The following RIMS2 variants were observed in gnomAD, a reference collection of about 807,000 sequenced individuals.
RIMS2 encodes the protein regulating synaptic membrane exocytosis protein 2.
A neutral mutation model predicts 174.4 loss-of-function variants in RIMS2; 59 were observed. That is an observed-to-expected ratio of 0.34 (90% CI 0.27 to 0.42). The LOEUF is 0.42. RIMS2 is among the 10% of genes least tolerant of loss of function. The pLI is 1.00. For missense variants in RIMS2, 1,620 were observed against 1,666.3 expected, an observed-to-expected ratio of 0.97 and a Z score of 0.48; for synonymous variants, 606 against 572.5, an observed-to-expected ratio of 1.06 and a Z score of -0.84.
intron 10 of RIMS2, 190 bp downstream of exon 13, chr8:103,921,974 A>G: frequency 6.0e-6 from 2 of 331,786 alleles, no homozygotes; most frequent in Admixed American, 4.5e-5. Flanking sequence ...ATTAAGAGTT[A>G]GATTTACTGA....
chr8:104,204,214 A>G lies in RIMS2; in HGVS notation c.3335-40702A>G, dbSNP rs375633000. On this transcript the variant is annotated intron_variant, in intron 19 of 23. Coordinates refer to ENST00000504942, the Ensembl canonical transcript of RIMS2. The stretch of plus-strand genomic sequence containing the variant: ...ATATATATGGTGTACAGTATTCTAC[A>G]TTGTGAACCTATCTATATATGCAAT... Among the ~76,000 whole-genome samples, 11 of 152,222 alleles carry G rather than the reference A, an allele frequency of 7.2e-5. 1 individual carries two copies. The highest frequency in any genetic ancestry group is 5.8e-4 in the East Asian group (3 of 5,204).
intron 19 of RIMS2, among the ~76,000 whole-genome samples, chr8:104,068,115 C>T (rs372148719): frequency 1.5e-4 from 23 of 152,058 alleles, no homozygotes; most frequent in African/African-American, 5.1e-4. Context: ...TATTTGAAAG[C>T]AACTTATAAC....
intron 17 of RIMS2, among the ~76,000 whole-genome samples, chr8:104,010,573 C>G (rs1029412003): frequency 6.6e-6 from 1 of 151,918 alleles, no homozygotes; most frequent in Non-Finnish European, 1.5e-5. Flanking sequence ...CCTTTGTGAA[C>G]GCATGCAGTT....
chr8:104,186,963 A>T (rs777886518), intron 19 of RIMS2, among the ~76,000 whole-genome samples: 3 of 151,830 alleles, frequency 2.0e-5, no homozygotes, highest in Non-Finnish European at 4.4e-5. Flanking sequence ...AGGAAAATAG[A>T]GGAAAGAACC....
rs61559970 is a variant in RIMS2, at chr8:103,580,825, C to CTTTTTT, written c.176+79780_176+79785dup. On this transcript the variant is annotated intron_variant, in intron 1 of 23. Coordinates refer to ENST00000504942, the Ensembl canonical transcript of RIMS2. ...AAAGAAACTGAAGAGAAAGGGAATA[C>CTTTTTT]TTTTTTTTTTTTTTTTTTTTTTGAG... is the stretch of plus-strand genomic sequence containing the variant. Among the ~76,000 whole-genome samples, 116 of 113,448 alleles carry CTTTTTT rather than the reference C, an allele frequency of 1.0e-3. 2 individuals carry two copies. Among genetic ancestry groups the CTTTTTT allele is most frequent in the Middle Eastern group, 5.4e-3 (1 of 184 alleles). The allele number at this position is 113,448 out of a possible 152,430, so 74.4% of individuals were successfully genotyped here.
rs2097615324 is a variant in RIMS2 at position 103,732,513 on chromosome 8, C to T, written c.388-33714C>T. 1.3e-5 allele frequency among the ~76,000 whole-genome samples: 2 copies of T among 152,188 alleles called. 1 individual carries two copies. The highest frequency in any genetic ancestry group is 4.1e-4 in the South Asian group (2 of 4,830). On this transcript the variant is annotated intron_variant, in intron 2 of 23. Transcript: ENST00000504942. ...CAGCAGGTGATTAAAGCCTGCCAGG[C>T]TTGCATCCTTCCTTTCAGTGTGGTA...
At chr8:104,016,002 T>C (rs1284495461) in intron 19 of RIMS2, among the ~76,000 whole-genome samples, 1 of 152,110 alleles carries the variant, frequency 6.6e-6, no homozygotes, top group Non-Finnish European at 1.5e-5. Context: ...AAATATGATA[T>C]AGTTTTATTA....
intron 14 of RIMS2, among the ~76,000 whole-genome samples, chr8:103,957,090 T>A (rs552164925): frequency 5.3e-5 from 8 of 152,136 alleles, no homozygotes; most frequent in African/African-American, 1.9e-4. Flanking sequence ...CATTAAAAAG[T>A]AAGGAAATAA....
chr8:104,229,176 A>G (rs920234052), intron 19 of RIMS2, among the ~76,000 whole-genome samples: 1 of 152,218 alleles, frequency 6.6e-6, no homozygotes, highest in Non-Finnish European at 1.5e-5. Flanking sequence ...TGACTTATGA[A>G]GGAAACTCAC....
chr8:104,188,228 TAGA>T (rs2098978768), intron 19 of RIMS2, among the ~76,000 whole-genome samples: 5 of 129,868 alleles, frequency 3.9e-5, no homozygotes, highest in Admixed American at 2.6e-4. Context: ...TTCAGATAGA[TAGA>T]TAGATAGATA....
intron 3 of RIMS2, among the ~76,000 whole-genome samples, chr8:103,806,109 T>C (rs1011159072): frequency 3.3e-5 from 5 of 152,172 alleles, no homozygotes; most frequent in African/African-American, 1.2e-4. Context: ...TCTCTTCTAT[T>C]TGACTTCGTT....
At chr8:104,112,147 T>G (rs1350863949) in intron 19 of RIMS2, among the ~76,000 whole-genome samples, 1 of 152,214 alleles carries the variant, frequency 6.6e-6, no homozygotes, top group Non-Finnish European at 1.5e-5. Flanking sequence ...GCAAATTCCC[T>G]TATATTTGTC....
intron 19 of RIMS2, among the ~76,000 whole-genome samples, chr8:104,085,016 G>T (rs529690878): frequency 6.6e-6 from 1 of 152,262 alleles, no homozygotes; most frequent in South Asian, 2.1e-4. Flanking sequence ...TTGTTGCTTA[G>T]GGAATATGTT....
intron 2 of RIMS2, among the ~76,000 whole-genome samples, chr8:103,744,714 G>A (rs941508949): frequency 2.6e-5 from 4 of 152,182 alleles, no homozygotes; most frequent in African/African-American, 7.2e-5. Flanking sequence ...AGGAGAGACA[G>A]GCATGCCAAT....
intron 3 of RIMS2, among the ~76,000 whole-genome samples, chr8:103,777,157 T>G (rs1592136416): frequency 6.6e-6 from 1 of 152,146 alleles, no homozygotes; most frequent in Non-Finnish European, 1.5e-5. Context: ...TACATAGTGG[T>G]GCTCATTAAA....
At chr8:104,018,699 G>C (rs943555434) in intron 19 of RIMS2, among the ~76,000 whole-genome samples, 3 of 151,992 alleles carry the variant, frequency 2.0e-5, no homozygotes, top group African/African-American at 7.3e-5. Flanking sequence ...TTCTCCTATG[G>C]ATTTTGAATC....
chr8:103,704,763 G>T (rs966279945), intron 2 of RIMS2, among the ~76,000 whole-genome samples: 2 of 151,878 alleles, frequency 1.3e-5, no homozygotes, highest in Non-Finnish European at 2.9e-5. Flanking sequence ...GCATATATTT[G>T]TTCACAGTAG....
At chr8:103,980,668 AC>A (rs1327252106) in intron 16 of RIMS2, among the ~76,000 whole-genome samples, 1 of 152,146 alleles carries the variant, frequency 6.6e-6, no homozygotes, top group East Asian at 1.9e-4. Flanking sequence ...GCATTTCAGT[AC>A]CTGCCCTGGC....
At chr8:103,583,213 C>A (rs116327441) in intron 1 of RIMS2, among the ~76,000 whole-genome samples, 1,790 of 152,280 alleles carry the variant, frequency 0.012, 38 homozygotes, top group African/African-American at 0.042. Context: ...TTTGTAAGAA[C>A]CACAGTGTTA....
Sources: allele counts gnomAD v4.1 joint callset (sites outside exome capture counted in the v4.1 genomes callset), GRCh38; gene constraint gnomAD v4.1.1; transcripts MANE v1.5; gene names NCBI Gene and HGNC (gene_info 2026-07-23, HGNC 2026-07-21).